NCR3LG1: variants seen among roughly 807,000 people sequenced by gnomAD.
The protein encoded by NCR3LG1 is natural cytotoxicity triggering receptor 3 ligand 1.
Under a neutral mutation model 34.8 loss-of-function variants are expected in NCR3LG1, and 35 were observed. That is an observed-to-expected ratio of 1.01 (90% CI 0.77 to 1.33). NCR3LG1 has a LOEUF of 1.33. NCR3LG1 is among the 40% of genes most tolerant of loss of function. NCR3LG1 has a pLI of 0.00. For synonymous variants in NCR3LG1, 173 were observed against 163.6 expected (o/e 1.06, Z -0.44); for missense variants, 452 against 423.3 (o/e 1.07, Z -0.60).
At chr11:17,381,478 G>A (rs1953513040), downstream of NCR3LG1, 1 of 152,582 alleles carries the variant, frequency 6.6e-6, no homozygotes, top group Non-Finnish European at 1.5e-5. Flanking sequence ...CTTCCCAGGT[G>A]AATGGGAAAC....
chr11:17,362,660 A>G (rs1239376721), intron 2 of NCR3LG1, among the ~76,000 whole-genome samples: 1 of 101,200 alleles, frequency 9.9e-6, no homozygotes, highest in Non-Finnish European at 2.0e-5. Flanking sequence ...TTTACTAGTT[A>G]TTGACTCAGT....
chr11:17,379,329 C>G (rs1953501998), downstream of NCR3LG1, among the ~76,000 whole-genome samples: 1 of 152,202 alleles, frequency 6.6e-6, no homozygotes, highest in Non-Finnish European at 1.5e-5. Context: ...AAAACAAACC[C>G]TTTATGATCA....
chr11:17,377,941 A>G (rs1048085538), downstream of NCR3LG1, among the ~76,000 whole-genome samples: 6 of 152,224 alleles, frequency 3.9e-5, no homozygotes, highest in Admixed American at 3.3e-4. Flanking sequence ...CTTAACTGAA[A>G]GAGAAGATTG....
rs1953460578 is a variant in NCR3LG1 at position 17,375,109 on chromosome 11, T to C, written c.*2597T>C. The C allele has an allele frequency of 6.6e-6, 1 of 152,194 alleles. No individual in the cohort carries two copies. The highest frequency in any genetic ancestry group is 6.5e-5 in the Admixed American group (1 of 15,286). 9.4% of individuals were successfully genotyped at this position (152,194 alleles called of 1,614,324 possible). ...ACCTGTTTATGCCTCACATAAATAA[T>C]GTGGCAGGCTTGCTGTCCTCTAAAG... On this transcript the variant is annotated 3_prime_UTR_variant, in exon 5 of 5. Transcript: ENST00000338965.
At chr11:17,363,536 C>T (rs1470204118) in intron 2 of NCR3LG1, among the ~76,000 whole-genome samples, 3 of 107,354 alleles carry the variant, frequency 2.8e-5, no homozygotes, top group East Asian at 2.9e-4. Context: ...CCCTCCCTCC[C>T]TCCCTCCCTT....
chr11:17,356,847 C>G lies in NCR3LG1; in HGVS notation c.267C>G (p.Phe89Leu). The G allele has an allele frequency of 6.5e-7, 1 of 1,536,156 alleles. No individual in the cohort carries two copies. Among genetic ancestry groups the G allele is most frequent in the Non-Finnish European group, 8.7e-7 (1 of 1,146,914 alleles). The part of the protein sequence containing the change: ...FEFFGDHQEA[F>L]RPGAIVSPWR... ...TTTTTGGAGATCACCAAGAGGCATT[C>G]CGACCTGGAGCCATTGTGTCTCCAT... Residue 89 changes from phenylalanine (F) to leucine (L), a missense_variant, in exon 2 of 5, where the codon TTC becomes TTG. By Grantham distance (22) the Phe-to-Leu change is conservative. Transcript: ENST00000338965.
Position 17,376,070 on chromosome 11 carries a change from C to T in NCR3LG1, c.*3558C>T, listed in dbSNP as rs1489036745. ...AAAATGGTCAAATAGGTTGTTAATA[C>T]TCGTGAAACCCTCTTAAAAATAATC... On this transcript the variant is annotated 3_prime_UTR_variant, in exon 5 of 5. Coordinates refer to ENST00000338965, the MANE Select transcript of NCR3LG1 (RefSeq NM_001202439.3). 6.6e-6 allele frequency: 1 copy of T among 152,208 alleles called. No individual in the cohort carries two copies. The highest frequency in any genetic ancestry group is 6.5e-5 in the Admixed American group (1 of 15,288). 9.4% of individuals were successfully genotyped at this position (152,208 alleles called of 1,614,324 possible). A position where few individuals can be genotyped will look rare whatever the true frequency, so the allele number is the denominator to read the frequency against.
Position 17,356,737 on chromosome 11 carries a change from TC to T in NCR3LG1, c.160del (p.Gln54AsnfsTer17), listed in dbSNP as rs748604026. The T allele has an allele frequency of 6.5e-7, 1 of 1,536,306 alleles. No homozygotes were observed. The highest frequency in any genetic ancestry group is 1.4e-5 in the African/African-American group (1 of 73,034). Reference sequence around the variant, plus strand: ...CACCATATTCTGCAATATCTTTTATTCCCAACCCCTCAACATCACGTCTATG... The same window carrying T: ...CACCATATTCTGCAATATCTTTTATTCCAACCCCTCAACATCACGTCTATG... ...NVTIFCNIFY[S>X]QPLNITSMGI... On this transcript the variant is annotated frameshift_variant, in exon 2 of 5. Transcript: ENST00000338965. LOFTEE classifies it high-confidence loss of function.
At chr11:17,379,347 C>A (rs891076570), downstream of NCR3LG1, among the ~76,000 whole-genome samples, 6 of 152,190 alleles carry the variant, frequency 3.9e-5, no homozygotes, top group Non-Finnish European at 8.8e-5. Context: ...TCAGCTGGAT[C>A]CTTTAGTTGT....
chr11:17,352,089 G>T (rs1408528273), intron 1 of NCR3LG1, 50 bp downstream of exon 1: 2 of 1,325,610 alleles, frequency 1.5e-6, no homozygotes, highest in Non-Finnish European at 2.0e-6. Context: ...GCGCCAGAGG[G>T]TCCTCGCGGG....
chr11:17,375,924 A>G lies in NCR3LG1; in HGVS notation c.*3412A>G, dbSNP rs1953471626. On this transcript the variant is annotated 3_prime_UTR_variant, in exon 5 of 5. Transcript: ENST00000338965. Reference sequence around the variant, plus strand: ...AGGATGGTTACAATCAGAAGATTGCAAAGTACGCTTGCCAGCCTCCAGCCA... The same window carrying G: ...AGGATGGTTACAATCAGAAGATTGCGAAGTACGCTTGCCAGCCTCCAGCCA... 1 of 152,180 alleles carries G rather than the reference A, an allele frequency of 6.6e-6. No individual in the cohort carries two copies. The highest frequency in any genetic ancestry group is 2.4e-5 in the African/African-American group (1 of 41,448). The allele number at this position is 152,180 out of a possible 1,614,324, so 9.4% of individuals were successfully genotyped here.
chr11:17,360,141 A>T (rs1953254415), intron 2 of NCR3LG1, among the ~76,000 whole-genome samples: 1 of 152,090 alleles, frequency 6.6e-6, no homozygotes, highest in Admixed American at 6.5e-5. Context: ...CCTGGGCTCA[A>T]ATGATCTGCG....
chr11:17,379,431 A>T (rs1246114244), downstream of NCR3LG1, among the ~76,000 whole-genome samples: 1 of 152,198 alleles, frequency 6.6e-6, no homozygotes, highest in African/African-American at 2.4e-5. Context: ...TAGTGCCTCT[A>T]ACTGTGTGAC....
Position 17,356,769 on chromosome 11 carries a change from C to T in NCR3LG1, c.189C>T (p.Ile63=). ...SQPLNITSMG[I]TWFWKSLTFD... ...CCCTCAACATCACGTCTATGGGTAT[C>T]ACCTGGTTTTGGAAGAGTCTGACGT... is the stretch of plus-strand genomic sequence containing the variant. Residue 63 remains isoleucine (I), a synonymous_variant, in exon 2 of 5, where the codon ATC becomes ATT. Coordinates refer to ENST00000338965, the MANE Select transcript of NCR3LG1 (RefSeq NM_001202439.3). 2 of 1,536,344 alleles carry T rather than the reference C, an allele frequency of 1.3e-6. No homozygotes were observed. The highest frequency in any genetic ancestry group is 1.7e-6 in the Non-Finnish European group (2 of 1,146,950).
Position 17,368,018 on chromosome 11 carries a change from A to G in NCR3LG1, c.760+671A>G, listed in dbSNP as rs530748718. ...TTTTTAGTAAAGATGGGGTTTCTCT[A>G]TGTTGGTCAGACTGGTCTCGAACTC... On this transcript the variant is annotated intron_variant, in intron 3 of 4. Coordinates refer to ENST00000338965, the MANE Select transcript of NCR3LG1 (RefSeq NM_001202439.3). 6.6e-5 allele frequency among the ~76,000 whole-genome samples: 10 copies of G among 151,920 alleles called. No individual in the cohort carries two copies. In the South Asian group the frequency reaches 1.7e-3, roughly 25 times the overall value.
chr11:17,354,087 T>A (rs866749197), intron 1 of NCR3LG1, among the ~76,000 whole-genome samples: 7 of 152,252 alleles, frequency 4.6e-5, no homozygotes, highest in African/African-American at 1.7e-4. Flanking sequence ...TAGAAAATGT[T>A]TTAAAGAACG....
chr11:17,367,688 A>G (rs1953361130), intron 3 of NCR3LG1, among the ~76,000 whole-genome samples: 1 of 152,190 alleles, frequency 6.6e-6, no homozygotes, highest in African/African-American at 2.4e-5. Flanking sequence ...GAATGGGGAC[A>G]GTATCCTACC....
chr11:17,372,052 T>G lies in NCR3LG1; in HGVS notation c.905T>G (p.Leu302Arg). 1 of 702,820 alleles carries G rather than the reference T, an allele frequency of 1.4e-6. No individual in the cohort carries two copies. The highest frequency in any genetic ancestry group is 1.5e-5 in the South Asian group (1 of 67,588). The allele number at this position is 702,820 out of a possible 1,614,324, so 43.5% of individuals were successfully genotyped here. Residue 302 changes from leucine (L) to arginine (R), a missense_variant, in exon 5 of 5, where the codon CTG becomes CGG. Physicochemically the swap from Leu to Arg is moderately radical, Grantham distance 102. Transcript: ENST00000338965. ...SSAYTPLKCI[L>R]KHWNSFDTQT... ...GCCTATACTCCTCTCAAGTGCATTCTGAAACACTGGAACTCCTTTGACACT... is the reference window on the plus strand; with the variant it reads ...GCCTATACTCCTCTCAAGTGCATTCGGAAACACTGGAACTCCTTTGACACT...
Position 17,356,960 on chromosome 11 carries a change from C to A in NCR3LG1, c.380C>A (p.Thr127Asn). The A allele has an allele frequency of 6.5e-7, 1 of 1,534,894 alleles. No individual in the cohort carries two copies. Among genetic ancestry groups the A allele is most frequent in the Non-Finnish European group, 8.7e-7 (1 of 1,146,216 alleles). ...GAGTACCGATGTGAGGTGGTGGTCACCCCTCTGAAGGCACAGGGAACAGTC... is the reference window on the plus strand; with the variant it reads ...GAGTACCGATGTGAGGTGGTGGTCAACCCTCTGAAGGCACAGGGAACAGTC... Reference protein sequence around the residue: ...AGEYRCEVVVTPLKAQGTVQL... With the variant: ...AGEYRCEVVVNPLKAQGTVQL... The change falls in exon 2 of 5, where the codon ACC becomes AAC. Residue 127 changes from threonine to asparagine, a missense_variant. Physicochemically the swap from Thr to Asn is moderately conservative, Grantham distance 65 (BLOSUM62 0). Transcript: ENST00000338965.
Sources: allele counts gnomAD v4.1 joint callset (sites outside exome capture counted in the v4.1 genomes callset), GRCh38; gene constraint gnomAD v4.1.1; transcripts MANE v1.5; gene names NCBI Gene and HGNC (gene_info 2026-07-23, HGNC 2026-07-21).